EEIG2: variants seen among roughly 807,000 people sequenced by gnomAD.
EEIG2 encodes the protein EEIG family member 2.
chr1:108,619,996 C>G, the EEIG2 span, among the ~76,000 whole-genome samples: 1 of 152,200 alleles, frequency 6.6e-6, no homozygotes, highest in African/African-American at 2.4e-5. Context: ...CACTCCCATA[C>G]CTACTTCCAG....
the EEIG2 span, among the ~76,000 whole-genome samples, chr1:108,584,650 C>G: frequency 2.0e-5 from 3 of 152,154 alleles, no homozygotes; most frequent in Admixed American, 2.0e-4. Context: ...TGAGAATTCT[C>G]TAGTGCTGGT....
At chr1:108,583,251 G>A in the EEIG2 span, among the ~76,000 whole-genome samples, 3 of 151,794 alleles carry the variant, frequency 2.0e-5, no homozygotes, top group Admixed American at 2.0e-4. Context: ...TGACCTCCCT[G>A]GGCTTAGGTG....
the EEIG2 span, among the ~76,000 whole-genome samples, chr1:108,608,155 G>A: frequency 6.6e-6 from 1 of 152,084 alleles, no homozygotes; most frequent in Non-Finnish European, 1.5e-5. Context: ...AGTATCCCAT[G>A]CTATCTTAGC....
At chr1:108,622,819 T>G in the EEIG2 span, among the ~76,000 whole-genome samples, 1 of 152,204 alleles carries the variant, frequency 6.6e-6, no homozygotes, top group South Asian at 2.1e-4. Context: ...GGTAAGAATT[T>G]AAGAATTGCC....
At chr1:108,599,129 C>T in the EEIG2 span, among the ~76,000 whole-genome samples, 2 of 152,070 alleles carry the variant, frequency 1.3e-5, no homozygotes, top group Admixed American at 1.3e-4. Flanking sequence ...TGCACCACTG[C>T]ACTCCAGCCT....
chr1:108,575,440 C>T, the EEIG2 span, among the ~76,000 whole-genome samples: 2 of 152,250 alleles, frequency 1.3e-5, no homozygotes, highest in Middle Eastern at 6.8e-3. Flanking sequence ...TCAGCAATTC[C>T]ACTCCTAGGT....
At chr1:108,624,442 A>AC in the EEIG2 span, among the ~76,000 whole-genome samples, 1 of 104,226 alleles carries the variant, frequency 9.6e-6, no homozygotes, top group East Asian at 2.9e-4. Context: ...TAAAAAAAAA[A>AC]AAAAAAACCC....
chr1:108,596,392 A>G, the EEIG2 span, among the ~76,000 whole-genome samples: 1 of 152,146 alleles, frequency 6.6e-6, no homozygotes, highest in Non-Finnish European at 1.5e-5. Context: ...CCCAACAGGG[A>G]AGGAGCCAGG....
At chr1:108,624,737 T>A in the EEIG2 span, 1 of 1,613,750 alleles carries the variant, frequency 6.2e-7, no homozygotes, top group South Asian at 1.1e-5. Flanking sequence ...AAAGTGCATC[T>A]TGGAATAGCA....
At chr1:108,584,487 G>A in the EEIG2 span, among the ~76,000 whole-genome samples, 106 of 152,210 alleles carry the variant, frequency 7.0e-4, no homozygotes, top group Middle Eastern at 3.4e-3. Flanking sequence ...CCATAGTATC[G>A]ATTTTGGACT....
the EEIG2 span, among the ~76,000 whole-genome samples, chr1:108,560,802 A>T: frequency 6.6e-6 from 1 of 152,126 alleles, no homozygotes; most frequent in Admixed American, 6.5e-5. Flanking sequence ...TCCTCTAGGA[A>T]TGGGAGCAAT....
the EEIG2 span, among the ~76,000 whole-genome samples, chr1:108,610,480 G>A: frequency 2.0e-5 from 3 of 152,296 alleles, no homozygotes; most frequent in South Asian, 2.1e-4. Flanking sequence ...ATGAGAAAGC[G>A]ATGTTGGAGG....
At chr1:108,589,519 C>A in the EEIG2 span, among the ~76,000 whole-genome samples, 2 of 152,098 alleles carry the variant, frequency 1.3e-5, no homozygotes, top group African/African-American at 4.8e-5. Flanking sequence ...TACCTGACCT[C>A]TCTGCCACAT....
At chr1:108,625,798 G>C in the EEIG2 span, 4 of 151,602 alleles carry the variant, frequency 2.6e-5, no homozygotes, top group African/African-American at 9.7e-5. Context: ...GTGTGTGTGT[G>C]TGTGTGTGTG....
the EEIG2 span, among the ~76,000 whole-genome samples, chr1:108,586,746 T>G: frequency 6.6e-6 from 1 of 152,140 alleles, no homozygotes; most frequent in Admixed American, 6.6e-5. Context: ...CTGAAGAGTT[T>G]GGTTTTTCGT....
the EEIG2 span, chr1:108,625,238 G>T: frequency 6.6e-6 from 1 of 152,600 alleles, no homozygotes; most frequent in Non-Finnish European, 1.5e-5. Flanking sequence ...TATCACTAAG[G>T]CATTCCCACA....
the EEIG2 span, among the ~76,000 whole-genome samples, chr1:108,616,028 TC>T: frequency 1.1e-4 from 16 of 152,300 alleles, no homozygotes; most frequent in East Asian, 2.1e-3. Context: ...TTCCATTATT[TC>T]CATTCAGATT....
At chr1:108,569,582 T>TA in the EEIG2 span, among the ~76,000 whole-genome samples, 1 of 152,220 alleles carries the variant, frequency 6.6e-6, no homozygotes, top group African/African-American at 2.4e-5. Flanking sequence ...CTCAGCCGCC[T>TA]AAACTGCTGG....
chr1:108,632,650 C>G, the EEIG2 span, among the ~76,000 whole-genome samples: 8 of 152,152 alleles, frequency 5.3e-5, no homozygotes, highest in Non-Finnish European at 1.0e-4. Flanking sequence ...AATCACTTAA[C>G]TTCAATAGAA....
Sources: gnomAD v4.1 joint callset for allele counts (sites outside exome capture counted in the v4.1 genomes callset) on GRCh38, gnomAD v4.1.1 for gene constraint, MANE v1.5 for transcripts, NCBI Gene and HGNC (gene_info 2026-07-23, HGNC 2026-07-21) for gene names.